Variants in ATP8B1 observed in about 807,000 individuals in gnomAD.
The protein encoded by ATP8B1 is ATPase phospholipid transporting 8B1.
Under a neutral mutation model 149.9 loss-of-function variants are expected in ATP8B1, and 80 were observed. That is an observed-to-expected ratio of 0.53 (90% CI 0.45 to 0.64). The LOEUF (loss-of-function observed/expected upper bound fraction) is 0.64, where lower values mean the gene tolerates loss of function less well. Ranked by LOEUF, ATP8B1 falls within the 30% of genes least tolerant of loss-of-function variation. ATP8B1 has a pLI of 0.00. For synonymous variants in ATP8B1, 536 were observed against 562.8 expected (o/e 0.95, Z 0.67); for missense variants, 1,247 against 1,552.6 (o/e 0.80, Z 3.31).
chr18:57,772,988 G>T (rs1053700117), intron 1 of ATP8B1, among the ~76,000 whole-genome samples: 1 of 152,074 alleles, frequency 6.6e-6, no homozygotes, highest in Non-Finnish European at 1.5e-5. Flanking sequence ...GGTGGCTCAT[G>T]CCTGTAATTC....
rs1396538854 is a variant in ATP8B1, at chr18:57,668,512, T to C, written c.2126A>G (p.Lys709Arg). ...ILLGATAIED[K>R]LQDGVPETIS... ...GGTTTCTGGAACTCCATCCTGTAGC[T>C]TGTCTTCAATAGCTGTAGCTCCCAG... Residue 709 changes from lysine (K) to arginine (R), a missense_variant, in exon 19 of 28, where the codon AAG (lysine) becomes AGG (arginine). Lys to Arg is a conservative substitution (Grantham distance 26, BLOSUM62 2). Coordinates refer to ENST00000648908, the MANE Select transcript of ATP8B1 (RefSeq NM_001374385.1). The C allele has an allele frequency of 1.9e-6, 3 of 1,578,928 alleles. No homozygotes were observed. The highest frequency in any genetic ancestry group is 2.3e-5 in the East Asian group (1 of 43,810).
chr18:57,780,900 C>T (rs1382210881), intron 1 of ATP8B1, among the ~76,000 whole-genome samples: 2 of 152,172 alleles, frequency 1.3e-5, no homozygotes, highest in African/African-American at 4.8e-5. Context: ...GCCTCGATAG[C>T]CACTTCTCTG....
At chr18:57,769,454 A>G (rs2080247135) in intron 1 of ATP8B1, among the ~76,000 whole-genome samples, 2 of 152,112 alleles carry the variant, frequency 1.3e-5, no homozygotes, top group Non-Finnish European at 2.9e-5. Flanking sequence ...CCAATTCCTC[A>G]TTTAGTTAAA....
intron 2 of ATP8B1, among the ~76,000 whole-genome samples, chr18:57,729,549 C>CTTTTTTTTTTTTTTTTTTT (rs71171074): frequency 5.0e-5 from 6 of 120,740 alleles, no homozygotes; most frequent in Non-Finnish European, 8.4e-5. Context: ...TTCTTTCTTT[C>CTTTTTTTTTTTTTTTTTTT]TTTTTTTTTT....
intron 1 of ATP8B1, among the ~76,000 whole-genome samples, chr18:57,782,746 A>G (rs2080368165): frequency 6.7e-6 from 1 of 149,998 alleles, no homozygotes; most frequent in Admixed American, 6.6e-5. Flanking sequence ...TGATTCTTTT[A>G]GGAAAACAGA....
chr18:57,649,191 T>TATCTATCTATCTATCTATCTA (rs1244889505), intron 27 of ATP8B1, among the ~76,000 whole-genome samples: 6 of 33,192 alleles, frequency 1.8e-4, no homozygotes, highest in Non-Finnish European at 4.3e-4. Flanking sequence ...TGCTTGGCTA[T>TATCTATCTATCTATCTATCTA]ATCTATCTAT....
intron 1 of ATP8B1, among the ~76,000 whole-genome samples, chr18:57,760,358 C>G (rs1241598838): frequency 2.0e-5 from 3 of 152,182 alleles, no homozygotes; most frequent in Non-Finnish European, 4.4e-5. Flanking sequence ...GTCCTAGAAC[C>G]AGCAGAGGGA....
intron 15 of ATP8B1, among the ~76,000 whole-genome samples, chr18:57,679,718 G>A (rs140845453): frequency 0.018 from 2,666 of 152,178 alleles, 99 homozygotes; most frequent in African/African-American, 0.054. Flanking sequence ...AGGCTGGAGC[G>A]CAGTGGCAAA....
intron 20 of ATP8B1, among the ~76,000 whole-genome samples, chr18:57,666,400 GT>G (rs925171259): frequency 8.1e-5 from 12 of 148,892 alleles, no homozygotes; most frequent in Middle Eastern, 3.4e-3. Flanking sequence ...AAAGTTTTGG[GT>G]TTTTTTTTTC....
rs190713871 is a variant in ATP8B1 at position 57,726,801 on chromosome 18, C to G, written c.181+4826G>C. Among the ~76,000 whole-genome samples, 1,159 of 152,222 alleles carry G rather than the reference C, an allele frequency of 7.6e-3. 11 individuals are homozygous for G. Among genetic ancestry groups the G allele is most frequent in the Non-Finnish European group, 0.011 (744 of 68,008 alleles). ...GATCTTAAAAATAAATAGAATAGGC[C>G]GGGCACAGTGGTTCATGCCTGTAAT... On this transcript the variant is annotated intron_variant, in intron 2 of 27. Coordinates refer to ENST00000648908, the MANE Select transcript of ATP8B1 (RefSeq NM_001374385.1).
chr18:57,693,481 G>A (rs1182990761), intron 11 of ATP8B1, among the ~76,000 whole-genome samples: 1 of 152,142 alleles, frequency 6.6e-6, no homozygotes, highest in Non-Finnish European at 1.5e-5. Context: ...GCCGAGGCAG[G>A]CAGATCACTT....
chr18:57,674,241 C>CAAA (rs745500180), intron 16 of ATP8B1, among the ~76,000 whole-genome samples: 27,756 of 81,066 alleles, frequency 0.34, 4,844 homozygotes, highest in East Asian at 0.58. Flanking sequence ...GACTCCATCT[C>CAAA]AAAAAAAAAA....
chr18:57,742,560 G>A (rs1164774941), intron 1 of ATP8B1, among the ~76,000 whole-genome samples: 1 of 152,124 alleles, frequency 6.6e-6, no homozygotes, highest in African/African-American at 2.4e-5. Context: ...GCCTGGGTGT[G>A]GTGGCTCACA....
intron 1 of ATP8B1, among the ~76,000 whole-genome samples, chr18:57,788,059 A>C (rs2080427122): frequency 6.6e-6 from 1 of 152,112 alleles, no homozygotes. Context: ...ATACGGAATG[A>C]ACAAAATAAA....
Position 57,697,807 on chromosome 18 carries a change from A to T in ATP8B1, c.615T>A (p.Asn205Lys). 1.2e-6 allele frequency: 2 copies of T among 1,613,548 alleles called. No individual in the cohort carries two copies. The highest frequency in any genetic ancestry group is 2.2e-5 in the East Asian group (1 of 44,862). ...TTTGTTCACTTACTGGAACAAAATC[A>T]TTTTTTTTCAGACGAATGACGTCTC... Reference protein sequence around the residue: ...QVGDVIRLKKNDFVPADILLL... With the variant: ...QVGDVIRLKKKDFVPADILLL... Residue 205 changes from asparagine (N) to lysine (K), a missense_variant, in exon 7 of 28, where the codon AAT becomes AAA. Physicochemically the swap from Asn to Lys is moderately conservative, Grantham distance 94. This residue lies in a region of ATP8B1 where 853 missense variants were observed against 1,035.7 expected (regional missense o/e 0.82). Coordinates refer to ENST00000648908, the MANE Select transcript of ATP8B1 (RefSeq NM_001374385.1).
intron 2 of ATP8B1, among the ~76,000 whole-genome samples, chr18:57,720,536 A>C (rs1199863640): frequency 1.6e-5 from 2 of 127,584 alleles, no homozygotes; most frequent in Non-Finnish European, 3.3e-5. Context: ...CGAGAAGGGA[A>C]CTTTAGAGAA....
chr18:57,769,185 G>A (rs989561094), intron 1 of ATP8B1, among the ~76,000 whole-genome samples: 26 of 152,128 alleles, frequency 1.7e-4, no homozygotes, highest in African/African-American at 5.1e-4. Context: ...TATGCATTGC[G>A]CAAAACCTCT....
In ATP8B1 at chr18:57,655,262, A is replaced by C; in HGVS notation, c.2863T>G (p.Phe955Val). The C allele has an allele frequency of 1.2e-6, 2 of 1,614,230 alleles. No homozygotes were observed. Among genetic ancestry groups the C allele is most frequent in the East Asian group, 4.5e-5 (2 of 44,882 alleles). ...AAAGTAAAGGCAAAGTTTTTGTAAA[A>C]GAAGTATCGTAGGAACTTGCACATC... ...IRMCKFLRYF[F>V]YKNFAFTLVH... The change falls in exon 23 of 28, where the codon TTT becomes GTT. Residue 955 changes from phenylalanine (F) to valine (V), a missense_variant. Phe to Val is a conservative substitution (Grantham distance 50, BLOSUM62 -1). Transcript: ENST00000648908.
At chr18:57,662,460 A>G (rs1427587506) in intron 21 of ATP8B1, 23 bp downstream of exon 21, 1 of 1,613,924 alleles carries the variant, frequency 6.2e-7, no homozygotes, top group Admixed American at 1.7e-5. Context: ...AGTTAAAGGC[A>G]CAGATACACT....
Sources: allele counts gnomAD v4.1 joint callset (sites outside exome capture counted in the v4.1 genomes callset), GRCh38; gene constraint gnomAD v4.1.1; regional missense constraint gnomAD v4.1.1; transcripts MANE v1.5; gene names NCBI Gene and HGNC (gene_info 2026-07-23, HGNC 2026-07-21).